ENOX1: variants seen among roughly 807,000 people sequenced by gnomAD.
ENOX1 encodes candidate growth-related and time keeping constitutive hydroquinone (NADH) oxidase.
Under a neutral mutation model 82.5 loss-of-function variants are expected in ENOX1, and 42 were observed. That is an observed-to-expected ratio of 0.51 (90% CI 0.40 to 0.66). ENOX1 has a LOEUF of 0.66. Among genes scored for constraint, ENOX1 ranks in the 30% least tolerant of loss-of-function variants. ENOX1 has a pLI of 0.00. For synonymous variants in ENOX1, 271 were observed against 282.2 expected (o/e 0.96, Z 0.40); for missense variants, 608 against 811.6 (o/e 0.75, Z 3.05).
intron 2 of ENOX1, among the ~76,000 whole-genome samples, chr13:43,594,833 C>T (rs1177158973): frequency 6.6e-6 from 1 of 152,026 alleles, no homozygotes; most frequent in Admixed American, 6.6e-5. Flanking sequence ...ATTCCTGGCT[C>T]CCATTTTCCT....
At chr13:43,384,910 T>C (rs2052309290) in intron 5 of ENOX1, among the ~76,000 whole-genome samples, 1 of 152,224 alleles carries the variant, frequency 6.6e-6, no homozygotes, top group Non-Finnish European at 1.5e-5. Context: ...CCTGGTTTTT[T>C]CCTTGGCCCC....
intron 2 of ENOX1, among the ~76,000 whole-genome samples, chr13:43,557,144 A>G (rs898942595): frequency 3.3e-5 from 5 of 152,210 alleles, no homozygotes; most frequent in African/African-American, 7.2e-5. Context: ...ATCTTAAGGT[A>G]GGAAAGTTTT....
At chr13:43,653,672 G>GTTAATAGC (rs2084298559) in intron 2 of ENOX1, among the ~76,000 whole-genome samples, 1 of 152,100 alleles carries the variant, frequency 6.6e-6, no homozygotes. Flanking sequence ...CATATCCCCT[G>GTTAATAGC]TGACTGTCAC....
At chr13:43,460,533 G>A (rs1593311236) in intron 3 of ENOX1, among the ~76,000 whole-genome samples, 1 of 152,068 alleles carries the variant, frequency 6.6e-6, no homozygotes, top group African/African-American at 2.4e-5. Flanking sequence ...GGGCTCAGTG[G>A]CTCACGCCTG....
intron 2 of ENOX1, among the ~76,000 whole-genome samples, chr13:43,655,741 T>C (rs114441854): frequency 0.014 from 2,113 of 152,262 alleles, 43 homozygotes; most frequent in African/African-American, 0.048. Flanking sequence ...TCCCTTGCTC[T>C]CCAAGGCTCA....
chr13:43,499,614 T>C (rs566665311), intron 2 of ENOX1, among the ~76,000 whole-genome samples: 27 of 152,090 alleles, frequency 1.8e-4, no homozygotes, highest in African/African-American at 6.3e-4. Context: ...TGTGGAGGGC[T>C]TTCCCTACCA....
intron 2 of ENOX1, among the ~76,000 whole-genome samples, chr13:43,517,681 A>T (rs1170129475): frequency 6.6e-6 from 1 of 152,164 alleles, no homozygotes; most frequent in African/African-American, 2.4e-5. Context: ...TATCTCTGCT[A>T]CTATGGTCTG....
At chr13:43,687,651 C>T (rs957169800) in intron 1 of ENOX1, among the ~76,000 whole-genome samples, 1 of 152,106 alleles carries the variant, frequency 6.6e-6, no homozygotes, top group Non-Finnish European at 1.5e-5. Context: ...CTTGATATTA[C>T]CCTACAGTGC....
At chr13:43,262,827 T>C (rs936380051) in intron 14 of ENOX1, among the ~76,000 whole-genome samples, 1 of 152,216 alleles carries the variant, frequency 6.6e-6, no homozygotes, top group Non-Finnish European at 1.5e-5. Context: ...TTGTTGAGTA[T>C]GTACTCTAGG....
At chr13:43,246,183 T>C (rs2043072097) in intron 14 of ENOX1, among the ~76,000 whole-genome samples, 1 of 152,236 alleles carries the variant, frequency 6.6e-6, no homozygotes, top group Admixed American at 6.5e-5. Flanking sequence ...AGTCAGGCTA[T>C]TACATTCTTA....
intron 14 of ENOX1, among the ~76,000 whole-genome samples, chr13:43,251,934 T>C (rs1197567142): frequency 6.6e-6 from 1 of 152,144 alleles, no homozygotes; most frequent in African/African-American, 2.4e-5. Context: ...ATGTTATGCA[T>C]ATATGTGTGT....
intron 5 of ENOX1, among the ~76,000 whole-genome samples, chr13:43,409,583 A>G (rs2053997445): frequency 6.6e-6 from 1 of 152,230 alleles, no homozygotes; most frequent in African/African-American, 2.4e-5. Flanking sequence ...ATGTTTTTGC[A>G]TGCTCAGGGA....
At chr13:43,511,379 T>A (rs1275100975) in intron 2 of ENOX1, among the ~76,000 whole-genome samples, 1 of 152,180 alleles carries the variant, frequency 6.6e-6, no homozygotes, top group Non-Finnish European at 1.5e-5. Context: ...AAGACCTTAT[T>A]TTATAGATTA....
chr13:43,284,259 C>T (rs549591204), intron 12 of ENOX1, among the ~76,000 whole-genome samples: 4 of 151,424 alleles, frequency 2.6e-5, no homozygotes, highest in South Asian at 2.1e-4. Context: ...AAATACAAAC[C>T]GTTAGGAAAG....
chr13:43,564,380 C>A (rs902082402), intron 2 of ENOX1, among the ~76,000 whole-genome samples: 2 of 151,544 alleles, frequency 1.3e-5, no homozygotes, highest in Non-Finnish European at 2.9e-5. Flanking sequence ...TCTCATGTGC[C>A]CCATAAATAT....
At chr13:43,568,746 G>C (rs530194137) in intron 2 of ENOX1, among the ~76,000 whole-genome samples, 1 of 146,730 alleles carries the variant, frequency 6.8e-6, no homozygotes, top group South Asian at 2.3e-4. Context: ...TTGTTGATTT[G>C]GGTCTATTAG....
intron 1 of ENOX1, among the ~76,000 whole-genome samples, chr13:43,756,488 G>A (rs1470886590): frequency 7.7e-6 from 1 of 130,512 alleles, no homozygotes; most frequent in Non-Finnish European, 1.7e-5. Context: ...GAGGGGAAGG[G>A]GAGGGGAAGG....
At chr13:43,770,947 T>C (rs1951559550) in intron 1 of ENOX1, among the ~76,000 whole-genome samples, 1 of 152,020 alleles carries the variant, frequency 6.6e-6, no homozygotes, top group Non-Finnish European at 1.5e-5. Flanking sequence ...TCCAAACTTG[T>C]GTTCCAGGAG....
chr13:43,479,492 C>T (rs1336345697), intron 3 of ENOX1, among the ~76,000 whole-genome samples: 5 of 152,162 alleles, frequency 3.3e-5, no homozygotes, highest in African/African-American at 1.2e-4. Flanking sequence ...AACAGCTGTC[C>T]TCTCTCTGCC....
Sources: gnomAD v4.1 joint callset for allele counts (sites outside exome capture counted in the v4.1 genomes callset) on GRCh38, gnomAD v4.1.1 for gene constraint, MANE v1.5 for transcripts, NCBI Gene and HGNC (gene_info 2026-07-23, HGNC 2026-07-21) for gene names.